NUP43: variants seen among roughly 807,000 people sequenced by gnomAD.
NUP43 encodes the protein nucleoporin 43, also known as nucleoporin Nup43.
A neutral mutation model predicts 47.3 loss-of-function variants in NUP43; 32 were observed. That is an observed-to-expected ratio of 0.68 (90% confidence interval 0.51 to 0.91). The LOEUF is 0.91. Ranked by LOEUF, NUP43 falls within the 40% of genes least tolerant of loss-of-function variation. The probability of loss-of-function intolerance (pLI) is 0.00; values close to 1 mark genes in which losing one functional copy is unlikely to be tolerated. For synonymous variants in NUP43, 147 were observed against 158.4 expected (o/e 0.93, Z 0.54); for missense variants, 444 against 453.9 (o/e 0.98, Z 0.20).
chr6:149,727,851 T>C (rs2115071592), intron 7 of NUP43: 3 of 985,322 alleles, frequency 3.0e-6, no homozygotes, highest in Non-Finnish European at 3.6e-6. Flanking sequence ...ATTTTAGTCA[T>C]TATTCGCAAC....
At position 149,726,468 on chromosome 6, in the gene NUP43, GAA is replaced by G. The variant is rs1261799340; in HGVS notation, c.*499_*500del. On this transcript the variant is annotated 3_prime_UTR_variant, in exon 8 of 8. Coordinates refer to ENST00000340413, the MANE Select transcript of NUP43 (RefSeq NM_198887.3). ...ATTTTTGCTCTACTCAATTCTTTCT[GAA>G]AAAGTTTATTATTATTAAGGAAATA... The G allele has an allele frequency of 6.5e-6, 1 of 154,334 alleles. No homozygotes were observed. Among genetic ancestry groups the G allele is most frequent in the East Asian group, 1.9e-4 (1 of 5,248 alleles). The allele number at this position is 154,334 out of a possible 1,614,324, so 9.6% of individuals were successfully genotyped here.
At position 149,746,043 on chromosome 6, in the gene NUP43, C is replaced by A; in HGVS notation, c.140G>T (p.Trp47Leu). 6.2e-7 allele frequency: 1 copy of A among 1,613,444 alleles called. No homozygotes were observed. The highest frequency in any genetic ancestry group is 8.5e-7 in the Non-Finnish European group (1 of 1,179,842). ...WDNEENYISL[W>L]SIGDFGNLDS... is the part of the protein sequence containing the mutation. ...CAAGTTTCCAAAATCTCCAATAGACCACAGTGAAATATAATTTTCCTGTAA... is the reference window on the plus strand; with the variant it reads ...CAAGTTTCCAAAATCTCCAATAGACAACAGTGAAATATAATTTTCCTGTAA... Residue 47 changes from tryptophan to leucine, a missense_variant, in exon 2 of 8, where the codon TGG becomes TTG. By Grantham distance (61) the Trp-to-Leu change is moderately conservative. Transcript: ENST00000340413.
Position 149,727,002 on chromosome 6 carries a change from T to C in NUP43, c.1110A>G (p.Glu370=), listed in dbSNP as rs748326213. The C allele has an allele frequency of 2.5e-6, 4 of 1,613,916 alleles. No individual in the cohort carries two copies. The South Asian group carries it at 4.4e-5, about 18-fold the overall frequency. The part of the protein sequence containing the change: ...GPCLVCGTDA[E]AIYVTRHLFS ...AAAGATGTCTAGTAACATAAATTGCTTCTGCATCGGTTCCACAAACAAGAC... is the reference window on the plus strand; with the variant it reads ...AAAGATGTCTAGTAACATAAATTGCCTCTGCATCGGTTCCACAAACAAGAC... Residue 370 remains glutamate, a synonymous_variant, in exon 8 of 8, where the codon GAA becomes GAG. Transcript: ENST00000340413.
intron 7 of NUP43, among the ~76,000 whole-genome samples, chr6:149,730,083 C>T (rs1270876836): frequency 2.6e-5 from 4 of 151,384 alleles, no homozygotes; most frequent in African/African-American, 7.3e-5. Context: ...AATCTCGGCT[C>T]GCTGAAACCT....
chr6:149,741,647 AG>A (rs1398076078), intron 4 of NUP43, among the ~76,000 whole-genome samples: 1 of 151,852 alleles, frequency 6.6e-6, no homozygotes, highest in East Asian at 1.9e-4. Context: ...CTGGGACTAC[AG>A]ATGCACACCA....
At chr6:149,728,721 T>C (rs1260635809) in intron 7 of NUP43, among the ~76,000 whole-genome samples, 1 of 152,164 alleles carries the variant, frequency 6.6e-6, no homozygotes, top group African/African-American at 2.4e-5. Context: ...CCCACCACTG[T>C]ACCCTGCTGC....
intron 3 of NUP43, among the ~76,000 whole-genome samples, chr6:149,743,093 T>C (rs10782315): frequency 0.4 from 60,727 of 151,460 alleles, 13,066 homozygotes; most frequent in East Asian, 0.81. Context: ...TGAGAATTGC[T>C]TGAACCAGAG....
rs1784829492 is a variant in NUP43 at position 149,727,193 on chromosome 6, T to C, written c.919A>G (p.Arg307Gly). 2 of 1,612,894 alleles carry C rather than the reference T, an allele frequency of 1.2e-6. No homozygotes were observed. The highest frequency in any genetic ancestry group is 1.7e-5 in the Admixed American group (1 of 59,788). ...CTATGAGACAAAAAAGTACTGCTTC[T>C]TCCTCCTGGGAGAAAAAAAGAAAAG... ...EKSSLFHQGGRSSTFLSHSIS... is the reference protein window; with the variant it reads ...EKSSLFHQGGGSSTFLSHSIS... The change falls in exon 8 of 8, where the codon AGA (arginine) becomes GGA (glycine). Residue 307 changes from arginine (R) to glycine (G), a missense_variant. Arg to Gly is a moderately radical substitution (Grantham distance 125). Transcript: ENST00000340413.
chr6:149,743,620 C>T lies in NUP43; in HGVS notation c.321+18G>A. 1 of 1,501,812 alleles carries T rather than the reference C, an allele frequency of 6.7e-7. No individual in the cohort carries two copies. 93.0% of individuals were successfully genotyped at this position (1,501,812 alleles called of 1,614,324 possible). ...TTCAAAAAAAAAAAAAATCACTTCT[C>T]AAACTAAAGTTCTTTACCTGGTTAT... On this transcript the variant is annotated intron_variant, in intron 3 of 7. Transcript: ENST00000340413.
intron 4 of NUP43, among the ~76,000 whole-genome samples, chr6:149,740,944 T>G (rs1785620277): frequency 6.6e-6 from 1 of 152,178 alleles, no homozygotes; most frequent in Non-Finnish European, 1.5e-5. Flanking sequence ...TTATCCTGCC[T>G]CTGGCCTATT....
chr6:149,736,577 G>T lies in NUP43; in HGVS notation c.684C>A (p.Asn228Lys). The part of the protein sequence containing the change: ...VPLHCVDRHP[N>K]QQHVVATGGQ... ...CACCAGTAGCTACAACATGCTGTTG[G>T]TTGGGATGTCTATCAACACAGTGGA... Residue 228 changes from asparagine to lysine, a missense_variant, in exon 6 of 8, where the codon AAC (asparagine) becomes AAA (lysine). Physicochemically the swap from Asn to Lys is moderately conservative, Grantham distance 94. Transcript: ENST00000340413. 2 of 1,609,900 alleles carry T rather than the reference G, an allele frequency of 1.2e-6. No homozygotes were observed. Among genetic ancestry groups the T allele is most frequent in the Non-Finnish European group, 8.5e-7 (1 of 1,176,540 alleles).
intron 6 of NUP43, among the ~76,000 whole-genome samples, chr6:149,735,924 G>A (rs1345227306): frequency 1.3e-5 from 2 of 148,916 alleles, no homozygotes; most frequent in African/African-American, 2.5e-5. Flanking sequence ...AGTGAGCCGT[G>A]ACTGCACCAC....
At chr6:149,735,598 CAAAAAAAAAA>C (rs57726234) in intron 6 of NUP43, among the ~76,000 whole-genome samples, 3 of 51,310 alleles carry the variant, frequency 5.8e-5, no homozygotes, top group Admixed American at 2.9e-4. Flanking sequence ...ACCCTGTCTC[CAAAAAAAAAA>C]AAAAAAAAAA....
intron 5 of NUP43, among the ~76,000 whole-genome samples, chr6:149,738,273 G>A (rs1006159749): frequency 6.6e-6 from 1 of 152,000 alleles, no homozygotes; most frequent in African/African-American, 2.4e-5. Context: ...TTTCTTACGA[G>A]AGAACGTTGT....
rs1463866089 is a variant in NUP43, at chr6:149,725,463, C to A, written c.*1506G>T. 1 of 152,256 alleles carries A rather than the reference C, an allele frequency of 6.6e-6. No individual in the cohort carries two copies. Among genetic ancestry groups the A allele is most frequent in the Non-Finnish European group, 1.5e-5 (1 of 68,146 alleles). The allele number at this position is 152,256 out of a possible 1,614,324, so 9.4% of individuals were successfully genotyped here. Reference sequence around the variant, plus strand: ...AATTAGCTGGGTGTGGTGGTGAGCACCTGTAATCCCAGCTACTCGGGAGGC... The same window carrying A: ...AATTAGCTGGGTGTGGTGGTGAGCAACTGTAATCCCAGCTACTCGGGAGGC... On this transcript the variant is annotated 3_prime_UTR_variant, in exon 8 of 8. Transcript: ENST00000340413.
chr6:149,727,664 A>G (rs1222179124), intron 7 of NUP43: 4 of 805,314 alleles, frequency 5.0e-6, no homozygotes, highest in Admixed American at 6.2e-5. Flanking sequence ...TTCTAAATAT[A>G]TATTTGTTAC....
At chr6:149,744,446 C>T (rs1785852511) in intron 2 of NUP43, among the ~76,000 whole-genome samples, 1 of 151,350 alleles carries the variant, frequency 6.6e-6, no homozygotes, top group East Asian at 1.9e-4. Context: ...ATCACTTGAA[C>T]CCACGAGGTG....
Position 149,743,670 on chromosome 6 carries a change from C to A in NUP43, c.289G>T (p.Val97Leu), listed in dbSNP as rs1347770345. Reference sequence around the variant, plus strand: ...TTTGGATGGTGAAGGAAAACTGTTACACATCCTGTTGATGAAGCAGCGACA... The same window carrying A: ...TTTGGATGGTGAAGGAAAACTGTTAAACATCCTGTTGATGAAGCAGCGACA... ...RIVAASSTGC[V>L]TVFLHHPNNQ... Residue 97 changes from valine (V) to leucine (L), a missense_variant, in exon 3 of 8, where the codon GTA becomes TTA. Val to Leu is a conservative substitution (Grantham distance 32). Transcript: ENST00000340413. The A allele has an allele frequency of 1.9e-6, 3 of 1,609,798 alleles. No individual in the cohort carries two copies. The highest frequency in any genetic ancestry group is 2.5e-6 in the Non-Finnish European group (3 of 1,177,304).
chr6:149,726,683 GCTGT>G lies in NUP43; in HGVS notation c.*282_*285del, dbSNP rs1311478293. The G allele has an allele frequency of 7.5e-6, 3 of 400,390 alleles. No homozygotes were observed. Among genetic ancestry groups the G allele is most frequent in the South Asian group, 5.6e-5 (2 of 35,824 alleles). 24.8% of individuals were successfully genotyped at this position (400,390 alleles called of 1,614,324 possible). On this transcript the variant is annotated 3_prime_UTR_variant, in exon 8 of 8. Coordinates refer to ENST00000340413, the MANE Select transcript of NUP43 (RefSeq NM_198887.3). The stretch of plus-strand genomic sequence containing the variant: ...CAAAAATAAAGAATTAGTTCCACAA[GCTGT>G]CTGTCAATAATACTCTGAAGGCAAC...
Sources: gnomAD v4.1 joint callset for allele counts (sites outside exome capture counted in the v4.1 genomes callset) on GRCh38, gnomAD v4.1.1 for gene constraint, MANE v1.5 for transcripts, NCBI Gene and HGNC (gene_info 2026-07-23, HGNC 2026-07-21) for gene names.